TMC7: variants seen among roughly 807,000 people sequenced by gnomAD.
TMC7 encodes the protein transmembrane channel-like protein 7.
A neutral mutation model predicts 82.9 loss-of-function variants in TMC7; 54 were observed. That is an observed-to-expected ratio of 0.65 (90% confidence interval 0.52 to 0.82). The LOEUF is 0.82. Ranked by LOEUF, TMC7 falls within the 40% of genes least tolerant of loss-of-function variation. The probability of loss-of-function intolerance (pLI) is 0.00; values close to 1 mark genes in which losing one functional copy is unlikely to be tolerated. For missense variants in TMC7, 820 were observed against 901.2 expected (o/e 0.91, Z 1.15); for synonymous variants, 350 against 337.9 (o/e 1.04, Z -0.39).
chr16:19,026,886 C>T (rs1960256085), intron 5 of TMC7, among the ~76,000 whole-genome samples: 1 of 151,668 alleles, frequency 6.6e-6, no homozygotes, highest in Non-Finnish European at 1.5e-5. Context: ...CTCAGCCTCC[C>T]AAGTAGCTGG....
At chr16:19,052,664 CA>C (rs1281886621) in intron 13 of TMC7, among the ~76,000 whole-genome samples, 3 of 152,026 alleles carry the variant, frequency 2.0e-5, no homozygotes, top group Non-Finnish European at 4.4e-5. Context: ...AACAAAAAAA[CA>C]AACAAAAAAA....
chr16:19,041,066 AT>A (rs888271577), intron 9 of TMC7, among the ~76,000 whole-genome samples: 11 of 148,168 alleles, frequency 7.4e-5, no homozygotes, highest in East Asian at 6.0e-4. Context: ...AATTAAAAAA[AT>A]TTTTTTTTTT....
chr16:18,987,114 C>T (rs1375761132), intron 1 of TMC7, among the ~76,000 whole-genome samples: 1 of 151,814 alleles, frequency 6.6e-6, no homozygotes, highest in Non-Finnish European at 1.5e-5. Flanking sequence ...CATAGAGCAG[C>T]CTCTTCCTTT....
intron 13 of TMC7, among the ~76,000 whole-genome samples, chr16:19,052,397 A>G (rs1055033943): frequency 2.6e-5 from 4 of 152,164 alleles, no homozygotes; most frequent in African/African-American, 9.7e-5. Context: ...AGGGCTCACT[A>G]TGTTGCCCAG....
At chr16:18,984,745 G>A (rs1326746841) in intron 1 of TMC7, among the ~76,000 whole-genome samples, 1 of 152,128 alleles carries the variant, frequency 6.6e-6, no homozygotes, top group African/African-American at 2.4e-5. Context: ...ATAATCTTTT[G>A]TATCGGGTAG....
intron 1 of TMC7, among the ~76,000 whole-genome samples, chr16:18,999,527 G>A (rs774143880): frequency 2.0e-5 from 3 of 152,212 alleles, no homozygotes; most frequent in Non-Finnish European, 2.9e-5. Flanking sequence ...TAAAAGCAGG[G>A]AAATGGTGTG....
intron 7 of TMC7, among the ~76,000 whole-genome samples, chr16:19,037,157 A>C (rs1256888409): frequency 2.0e-5 from 3 of 151,984 alleles, no homozygotes; most frequent in African/African-American, 7.2e-5. Context: ...GCACTTTGGG[A>C]GGCCGAGGCA....
intron 3 of TMC7, among the ~76,000 whole-genome samples, chr16:19,018,381 A>G (rs935610423): frequency 1.3e-5 from 2 of 152,192 alleles, no homozygotes; most frequent in South Asian, 4.1e-4. Context: ...TGGAGGCTCG[A>G]ACAGGCCTTC....
At chr16:18,999,418 C>G (rs4780774) in intron 1 of TMC7, among the ~76,000 whole-genome samples, 142,000 of 152,308 alleles carry the variant, frequency 0.93, 66,491 homozygotes, top group Non-Finnish European at 0.97. Flanking sequence ...ACCATGCCCG[C>G]ACCCCTGACT....
intron 7 of TMC7, among the ~76,000 whole-genome samples, chr16:19,037,029 A>C (rs1030246725): frequency 6.6e-6 from 1 of 152,214 alleles, no homozygotes; most frequent in African/African-American, 2.4e-5. Flanking sequence ...CTGTTTTCAC[A>C]TTTATTGCAA....
intron 1 of TMC7, among the ~76,000 whole-genome samples, chr16:18,994,194 G>A (rs2038999137): frequency 6.6e-6 from 1 of 152,126 alleles, no homozygotes; most frequent in Admixed American, 6.6e-5. Flanking sequence ...TATACTTCAA[G>A]TGTGAGGAGG....
Position 19,042,878 on chromosome 16 carries a change from C to T in TMC7, c.1338-2006C>T, listed in dbSNP as rs376926833. Among the ~76,000 whole-genome samples, 402 of 151,848 alleles carry T rather than the reference C, an allele frequency of 2.6e-3. 2 individuals carry two copies. The highest frequency in any genetic ancestry group is 9.1e-3 in the African/African-American group (375 of 41,382). The stretch of plus-strand genomic sequence containing the variant: ...TCTCCTGCCTCAGCCTCCCAAGTAG[C>T]CGGGACTACAGGCCCCCGCCACCAT... On this transcript the variant is annotated intron_variant, in intron 9 of 15. Transcript: ENST00000304381.
chr16:18,985,705 T>C (rs1293269172), intron 1 of TMC7, among the ~76,000 whole-genome samples: 1 of 151,870 alleles, frequency 6.6e-6, no homozygotes, highest in Non-Finnish European at 1.5e-5. Flanking sequence ...TGAGTTTTTT[T>C]TTTTTTTTTT....
intron 5 of TMC7, among the ~76,000 whole-genome samples, chr16:19,027,809 T>G (rs1173377005): frequency 6.6e-6 from 1 of 152,150 alleles, no homozygotes; most frequent in Non-Finnish European, 1.5e-5. Context: ...AATACAGATA[T>G]GCACAATTGT....
intron 13 of TMC7, among the ~76,000 whole-genome samples, chr16:19,054,604 A>G (rs993000003): frequency 1.3e-5 from 2 of 151,752 alleles, no homozygotes; most frequent in Non-Finnish European, 2.9e-5. Context: ...AATCCCAGCT[A>G]TTCCGGAGGC....
chr16:19,035,629 C>A (rs377485750), intron 6 of TMC7, 47 bp from the exon 7 acceptor site: 3 of 1,612,820 alleles, frequency 1.9e-6, no homozygotes, highest in South Asian at 1.1e-5. Context: ...AGGGGACTCT[C>A]TTTTGCTGTT....
intron 12 of TMC7, chr16:19,049,540 G>A (rs8062131): frequency 0.95 from 762,566 of 802,900 alleles, 364,403 homozygotes; most frequent in Non-Finnish European, 0.97. Flanking sequence ...TGAAAACACA[G>A]GTTGGCCGAA....
Position 18,983,959 on chromosome 16 carries a change from C to G in TMC7, c.-105C>G. The G allele has an allele frequency of 8.0e-7, 1 of 1,242,662 alleles. No homozygotes were observed. Among genetic ancestry groups the G allele is most frequent in the Non-Finnish European group, 1.0e-6 (1 of 965,652 alleles). The allele number at this position is 1,242,662 out of a possible 1,614,324, so 77.0% of individuals were successfully genotyped here. On this transcript the variant is annotated 5_prime_UTR_variant, in exon 1 of 16. Transcript: ENST00000304381. Reference sequence around the variant, plus strand: ...ACTCCGGCTTCTGTGATGTCAGCGCCGGAACCTGGAATCCCGGCTCCGCGA... The same window carrying G: ...ACTCCGGCTTCTGTGATGTCAGCGCGGGAACCTGGAATCCCGGCTCCGCGA...
intron 9 of TMC7, among the ~76,000 whole-genome samples, chr16:19,042,598 C>T (rs1026044820): frequency 2.0e-5 from 3 of 151,618 alleles, no homozygotes; most frequent in Non-Finnish European, 2.9e-5. Context: ...AGCTCCGCCT[C>T]CCGGGTTCAC....
Sources: allele counts gnomAD v4.1 joint callset (sites outside exome capture counted in the v4.1 genomes callset), GRCh38; gene constraint gnomAD v4.1.1; transcripts MANE v1.5; gene names NCBI Gene and HGNC (gene_info 2026-07-23, HGNC 2026-07-21).